ARHGEF9: variants seen among roughly 807,000 people sequenced by gnomAD.
ARHGEF9 encodes Cdc42 guanine nucleotide exchange factor 9.
A neutral mutation model predicts 41.3 loss-of-function variants in ARHGEF9; 2 were observed. The ratio of observed to expected loss-of-function variants is 0.05; its 90% CI spans 0.02 to 0.15. The LOEUF (loss-of-function observed/expected upper bound fraction) is 0.15. Ranked by LOEUF, ARHGEF9 falls within the 10% of genes least tolerant of loss-of-function variation. ARHGEF9 has a pLI of 1.00. For synonymous variants in ARHGEF9, 160 were observed against 154.4 expected (o/e 1.04, Z -0.27); for missense variants, 225 against 424.7 (o/e 0.53, Z 4.13).
chrX:63,713,897 GA>G (rs2053125775), intron 2 of ARHGEF9, among the ~76,000 whole-genome samples: 1 of 111,433 alleles, frequency 9.0e-6, no homozygotes, highest in African/African-American at 3.3e-5. Flanking sequence ...CTCAAGGGAA[GA>G]TTTAATAACT....
chrX:63,746,340 T>C (rs1329182096), intron 1 of ARHGEF9, among the ~76,000 whole-genome samples: 4 of 112,167 alleles, frequency 3.6e-5, no homozygotes, highest in African/African-American at 1.3e-4. Flanking sequence ...AAACCTTTTT[T>C]CTTCCTCCAC....
At position 63,637,716 on chromosome X, in the gene ARHGEF9, A is replaced by AGG; in HGVS notation, c.*310_*311dup. On this transcript the variant is annotated 3_prime_UTR_variant, in exon 10 of 10. Coordinates refer to ENST00000671741, the MANE Select transcript of ARHGEF9 (RefSeq NM_001353921.2). ...ATGTCAACTTCTGAAAGCAAAGGGA[A>AGG]GGGGGACAGGGTAAAAATGGAAAAC... 4.4e-6 allele frequency: 1 copy of AGG among 227,761 alleles called. No homozygotes were observed. The highest frequency in any genetic ancestry group is 7.8e-6 in the Non-Finnish European group (1 of 127,406). The allele number at this position is 227,761 out of a possible 1,213,427, so 18.8% of individuals were successfully genotyped here.
chrX:63,775,130 A>T (rs146314373), intron 1 of ARHGEF9, among the ~76,000 whole-genome samples: 4,286 of 112,501 alleles, frequency 0.038, 194 homozygotes, highest in African/African-American at 0.13. Flanking sequence ...ATGAGATACC[A>T]TCTCACACCA....
intron 3 of ARHGEF9, among the ~76,000 whole-genome samples, chrX:63,704,629 T>C (rs782461305): frequency 8.9e-6 from 1 of 112,541 alleles, no homozygotes; most frequent in Non-Finnish European, 1.9e-5. Flanking sequence ...AAATTACCTT[T>C]TTCCAAATAC....
chrX:63,705,339 A>C (rs2147501575), intron 3 of ARHGEF9, among the ~76,000 whole-genome samples: 1 of 98,730 alleles, frequency 1.0e-5, no homozygotes, highest in Non-Finnish European at 2.0e-5. Context: ...CGAGTCAAGA[A>C]GAAAGATATA....
intron 1 of ARHGEF9, chrX:63,737,193 G>C (rs1471317712): frequency 6.2e-5 from 7 of 112,077 alleles, no homozygotes; most frequent in African/African-American, 2.3e-4. Flanking sequence ...CCCACGACCA[G>C]ATGATTTTTG....
chrX:63,640,101 A>C (rs1317561866), intron 9 of ARHGEF9: 1 of 112,183 alleles, frequency 8.9e-6, no homozygotes, highest in African/African-American at 3.2e-5. Flanking sequence ...CAAAATACAT[A>C]AAACAGAAGA....
chrX:63,700,045 G>C (rs782576536), intron 3 of ARHGEF9, among the ~76,000 whole-genome samples: 116 of 111,834 alleles, frequency 1.0e-3, no homozygotes, highest in African/African-American at 3.6e-3. Flanking sequence ...CTTTGCCAGA[G>C]AGTGTAAAGA....
At chrX:63,654,688 C>A (rs1192955066) in intron 8 of ARHGEF9, among the ~76,000 whole-genome samples, 3 of 111,704 alleles carry the variant, frequency 2.7e-5, no homozygotes, top group African/African-American at 9.7e-5. Context: ...TAAACTTGAG[C>A]TTTCAGGCCT....
intron 1 of ARHGEF9, among the ~76,000 whole-genome samples, chrX:63,725,478 C>A (rs2053903523): frequency 8.9e-6 from 1 of 112,426 alleles, no homozygotes; most frequent in Non-Finnish European, 1.9e-5. Context: ...GATCAGCTGG[C>A]AAGGCAGGAC....
At chrX:63,709,970 T>G (rs1556405652) in intron 2 of ARHGEF9, among the ~76,000 whole-genome samples, 1 of 110,748 alleles carries the variant, frequency 9.0e-6, no homozygotes, top group Non-Finnish European at 1.9e-5. Context: ...TGCCTTCCAT[T>G]TTTTTTTCTA....
chrX:63,647,034 CTA>C (rs1400080821), intron 8 of ARHGEF9, among the ~76,000 whole-genome samples: 24 of 111,437 alleles, frequency 2.2e-4, no homozygotes, highest in African/African-American at 7.5e-4. Context: ...CTCTGTTTGT[CTA>C]TTATTGGTGT....
chrX:63,676,996 C>T (rs782345767), intron 5 of ARHGEF9, among the ~76,000 whole-genome samples: 2 of 112,061 alleles, frequency 1.8e-5, no homozygotes, highest in Non-Finnish European at 1.9e-5. Flanking sequence ...ACTACTCAGT[C>T]ATGGATTCCT....
chrX:63,755,228 C>G (rs1290262281), intron 1 of ARHGEF9: 14 of 937,044 alleles, frequency 1.5e-5, no homozygotes, highest in Non-Finnish European at 1.9e-5. Context: ...ATAACAGATG[C>G]CGCAGTAGCA....
chrX:63,781,127 G>T (rs782397741), intron 1 of ARHGEF9, among the ~76,000 whole-genome samples: 27 of 112,018 alleles, frequency 2.4e-4, no homozygotes, highest in South Asian at 3.8e-4. Flanking sequence ...TTATACATGA[G>T]TTAAATTTTG....
In ARHGEF9 at chrX:63,706,355, C is replaced by T. The variant is rs782087438; in HGVS notation, c.305G>A (p.Arg102Gln). ...DPNSDCLCLG[R>Q]PLQNRDQMRA... ...CATCTGGTCCCGGTTCTGTAGTGGCCGCCCCAGACAGAGGCAGTCTGAATT... is the reference window on the plus strand; with the variant it reads ...CATCTGGTCCCGGTTCTGTAGTGGCTGCCCCAGACAGAGGCAGTCTGAATT... Residue 102 changes from arginine to glutamine, a missense_variant, in exon 3 of 10, where the codon CGG becomes CAG. Arg to Gln is a conservative substitution (Grantham distance 43). Coordinates refer to ENST00000671741, the MANE Select transcript of ARHGEF9 (RefSeq NM_001353921.2). 6 of 1,206,464 alleles carry T rather than the reference C, an allele frequency of 5.0e-6. No homozygotes were observed. The highest frequency in any genetic ancestry group is 1.8e-5 in the South Asian group (1 of 55,765).
At chrX:63,651,525 G>A (rs2048540115) in intron 8 of ARHGEF9, among the ~76,000 whole-genome samples, 1 of 110,922 alleles carries the variant, frequency 9.0e-6, no homozygotes, top group Admixed American at 9.6e-5. Flanking sequence ...TATCCACCTT[G>A]AAGAAAAAAA....
rs1057522323 is a variant in ARHGEF9 at position 63,674,049 on chromosome X, G to T, written c.934C>A (p.Leu312Ile). Residue 312 changes from leucine to isoleucine, a missense_variant, in exon 6 of 10, where the codon CTA (leucine) becomes ATA (isoleucine). By Grantham distance (5) the Leu-to-Ile change is conservative. Coordinates refer to ENST00000671741, the MANE Select transcript of ARHGEF9 (RefSeq NM_001353921.2). ...DKIAQWQASV[L>I]DWEGEDILDR... ...GGTAAGTTTCCTACCTCCCAGTCTA[G>T]GACAGAAGCCTGCCACTGAGCAATC... 8.3e-7 allele frequency: 1 copy of T among 1,211,096 alleles called. No homozygotes were observed.
At chrX:63,731,741 C>T (rs782494415) in intron 1 of ARHGEF9, among the ~76,000 whole-genome samples, 170 of 109,635 alleles carry the variant, frequency 1.6e-3, no homozygotes, top group Middle Eastern at 4.7e-3. Flanking sequence ...TTGTATTTTT[C>T]GTAGAGACAG....
Sources: allele counts gnomAD v4.1 joint callset (sites outside exome capture counted in the v4.1 genomes callset), GRCh38; gene constraint gnomAD v4.1.1; transcripts MANE v1.5; gene names NCBI Gene and HGNC (gene_info 2026-07-23, HGNC 2026-07-21).